The following DNMT1 variants were observed in gnomAD, a reference collection of about 807,000 sequenced individuals.
DNMT1 encodes DNA methyltransferase 1.
In DNMT1, 24 loss-of-function variants were observed where a neutral mutation model predicts 205.3. That is an observed-to-expected ratio of 0.12 (90% CI 0.08 to 0.16). The LOEUF (loss-of-function observed/expected upper bound fraction) is 0.16, where lower values mean the gene tolerates loss of function less well. DNMT1 is among the 10% of genes least tolerant of loss of function. The probability of loss-of-function intolerance (pLI) is 1.00; values close to 1 mark genes in which losing one functional copy is unlikely to be tolerated. For missense variants in DNMT1, 1,293 were observed against 2,177.7 expected (o/e 0.59, Z 8.09); for synonymous variants, 817 against 839.8 (o/e 0.97, Z 0.47).
intron 27 of DNMT1, among the ~76,000 whole-genome samples, chr19:10,147,890 G>A (rs1297029952): frequency 6.6e-6 from 1 of 151,852 alleles, no homozygotes; most frequent in Non-Finnish European, 1.5e-5. Flanking sequence ...GAAGCGGGTA[G>A]ATCACCTGAG....
rs758882865 is a variant in DNMT1, at chr19:10,142,191, G to A, written c.3146C>T (p.Ala1049Val). Reference protein sequence around the residue: ...RPENTHKSTPASYHADINLLY... With the variant: ...RPENTHKSTPVSYHADINLLY... Reference sequence around the variant, plus strand: ...CAGGTTGATGTCTGCGTGGTAGCTCGCTGGAGTGGACTTGTGGGTGTTCTC... The same window carrying A: ...CAGGTTGATGTCTGCGTGGTAGCTCACTGGAGTGGACTTGTGGGTGTTCTC... Residue 1049 changes from alanine to valine, a missense_variant, in exon 30 of 41, where the codon GCG (alanine) becomes GTG (valine). Physicochemically the swap from Ala to Val is moderately conservative, Grantham distance 64. This residue lies in a region of DNMT1 where 167 missense variants were observed against 258.1 expected (regional missense o/e 0.65). Coordinates refer to ENST00000359526, the MANE Select transcript of DNMT1 (RefSeq NM_001130823.3). 1.4e-5 allele frequency: 23 copies of A among 1,613,924 alleles called. 1 individual carries two copies. In the Middle Eastern group the frequency reaches 4.9e-4, roughly 35 times the overall value.
chr19:10,163,268 A>G (rs2038617841), intron 12 of DNMT1, 58 bp downstream of exon 12: 6 of 1,596,812 alleles, frequency 3.8e-6, no homozygotes, highest in Non-Finnish European at 5.2e-6. Context: ...CACCTGGCCT[A>G]GAACAGGCTT....
intron 19 of DNMT1, 76 bp downstream of exon 19, chr19:10,155,777 C>T: frequency 1.4e-6 from 2 of 1,468,626 alleles, no homozygotes; most frequent in South Asian, 1.2e-5. Flanking sequence ...CCACCAGAGC[C>T]CCGTCAGCCC....
At chr19:10,173,585 G>C (rs1442606876) in intron 8 of DNMT1, among the ~76,000 whole-genome samples, 1 of 151,178 alleles carries the variant, frequency 6.6e-6, no homozygotes, top group Non-Finnish European at 1.5e-5. Flanking sequence ...TCTACCTCCT[G>C]GGTTCAAGCA....
chr19:10,178,065 T>C (rs1316608559), intron 5 of DNMT1, among the ~76,000 whole-genome samples: 2 of 151,438 alleles, frequency 1.3e-5, no homozygotes, highest in East Asian at 3.9e-4. Context: ...GAGACCATCC[T>C]GGCCAACATG....
chr19:10,168,508 G>A, intron 9 of DNMT1, 144 bp from the exon 10 acceptor site: 4 of 803,374 alleles, frequency 5.0e-6, no homozygotes, highest in Non-Finnish European at 6.3e-6. Flanking sequence ...GGGCACAGTA[G>A]CTCATGCCTG....
intron 11 of DNMT1, 142 bp from the exon 12 acceptor site, chr19:10,163,502 C>A: frequency 4.8e-6 from 4 of 828,500 alleles, no homozygotes; most frequent in South Asian, 2.9e-5. Flanking sequence ...CAGGCCTGGG[C>A]AGATCTACCG....
intron 5 of DNMT1, among the ~76,000 whole-genome samples, chr19:10,177,680 C>T (rs1236685482): frequency 1.3e-5 from 2 of 151,892 alleles, no homozygotes; most frequent in Non-Finnish European, 2.9e-5. Flanking sequence ...TCTATAATAC[C>T]AAAACTTTGA....
chr19:10,150,578 C>T (rs888496020), intron 24 of DNMT1, among the ~76,000 whole-genome samples: 1 of 152,212 alleles, frequency 6.6e-6, no homozygotes, highest in African/African-American at 2.4e-5. Flanking sequence ...CCCAGGCAGC[C>T]AGCAGGTGGC....
chr19:10,162,824 C>T, intron 12 of DNMT1, 76 bp from the exon 13 acceptor site: 1 of 1,477,508 alleles, frequency 6.8e-7, no homozygotes, highest in South Asian at 1.1e-5. Context: ...CGGAAAGTGA[C>T]AAACTAATGC....
At position 10,133,894 on chromosome 19, in the gene DNMT1, T is replaced by C. The variant is rs1290074264; in HGVS notation, c.4865-193A>G. Among the ~76,000 whole-genome samples, 1 of 152,224 alleles carries C rather than the reference T, an allele frequency of 6.6e-6. No individual in the cohort carries two copies. Among genetic ancestry groups the C allele is most frequent in the Non-Finnish European group, 1.5e-5 (1 of 68,030 alleles). On this transcript the variant is annotated intron_variant, in intron 40 of 40. Coordinates refer to ENST00000359526, the MANE Select transcript of DNMT1 (RefSeq NM_001130823.3). The surrounding 1 kb of genome is among the most constrained non-coding windows in gnomAD (Gnocchi z 4.1). ...TCCTCAAACGGTCCCCAGAGGGTTC[T>C]AGACCCAGAGGCTCAAGTGAGCAGC... is the stretch of plus-strand genomic sequence containing the variant.
chr19:10,184,201 C>T (rs939880482), intron 1 of DNMT1: 1 of 152,122 alleles, frequency 6.6e-6, no homozygotes, highest in African/African-American at 2.4e-5. Context: ...AATGAGTAGC[C>T]CAGGGCCACA....
In DNMT1 at chr19:10,192,507, A is replaced by T. The variant is rs190175638; in HGVS notation, c.80+2313T>A. ...CTGGGCATGGTGGCTCACACCCGTA[A>T]TCCCAACACTTTGGGAAGCTGAGGC... On this transcript the variant is annotated intron_variant, in intron 1 of 40. Coordinates refer to ENST00000359526, the MANE Select transcript of DNMT1 (RefSeq NM_001130823.3). Among the ~76,000 whole-genome samples, 109 of 151,870 alleles carry T rather than the reference A, an allele frequency of 7.2e-4. 1 individual carries two copies. The highest frequency in any genetic ancestry group is 2.6e-3 in the African/African-American group (106 of 41,304).
rs116309217 is a variant in DNMT1, at chr19:10,156,219, T to C, written c.1399+172A>G. Reference sequence around the variant, plus strand: ...TATACTATATATATATGCTATATATTTTTTTTTAATAGAGGCAGGCTCTTG... The same window carrying C: ...TATACTATATATATATGCTATATATCTTTTTTTAATAGAGGCAGGCTCTTG... On this transcript the variant is annotated intron_variant, in intron 18 of 40. Transcript: ENST00000359526. This position sits in a 1 kb window ranked among gnomAD's most constrained non-coding sequence, Gnocchi z 4.2. Among the ~76,000 whole-genome samples the C allele has an allele frequency of 6.6e-6, 1 of 150,492 alleles. No homozygotes were observed. Among genetic ancestry groups the C allele is most frequent in the African/African-American group, 2.4e-5 (1 of 41,050 alleles).
At chr19:10,155,125 T>G in intron 19 of DNMT1, 69 bp from the exon 20 acceptor site, 1 of 1,600,170 alleles carries the variant, frequency 6.2e-7, no homozygotes, top group South Asian at 1.1e-5. Context: ...CCACAGGGCA[T>G]GGAGGAGTCT....
chr19:10,180,209 G>A lies in DNMT1; in HGVS notation c.471C>T (p.Ala157=). 2.0e-6 allele frequency: 2 copies of A among 991,194 alleles called. No individual in the cohort carries two copies. The highest frequency in any genetic ancestry group is 3.1e-6 in the Non-Finnish European group (2 of 653,040). The allele number at this position is 991,194 out of a possible 1,614,324, so 61.4% of individuals were successfully genotyped here. The part of the protein sequence containing the change: ...AKRSRDPPAS[A]SQVTGIRAEP... ...TACCTCTAATCCCAGTTACTTGGGA[G>A]GCTGAGGCAGGAGGGTCTCTTGAAC... Residue 157 remains alanine, a synonymous_variant, in exon 5 of 41, where the codon GCC becomes GCT. Coordinates refer to ENST00000359526, the MANE Select transcript of DNMT1 (RefSeq NM_001130823.3).
intron 11 of DNMT1, among the ~76,000 whole-genome samples, chr19:10,165,765 G>C (rs550242892): frequency 1.5e-4 from 23 of 152,280 alleles, no homozygotes; most frequent in Non-Finnish European, 3.2e-4. Context: ...TTCCAATAGA[G>C]GGCAGGGAGT....
chr19:10,162,337 T>G (rs1032711757), intron 13 of DNMT1, among the ~76,000 whole-genome samples: 2 of 149,694 alleles, frequency 1.3e-5, no homozygotes. Context: ...GAGTGCGATC[T>G]CGGCTCACTG....
chr19:10,166,562 TGA>T (rs1256905553), intron 11 of DNMT1, 34 bp downstream of exon 11: 1 of 1,612,610 alleles, frequency 6.2e-7, no homozygotes, highest in African/African-American at 1.3e-5. Flanking sequence ...AGCAGAAGAA[TGA>T]GGGGGAGTTC....
Sources: allele counts gnomAD v4.1 joint callset (sites outside exome capture counted in the v4.1 genomes callset), GRCh38; gene constraint gnomAD v4.1.1; regional missense constraint gnomAD v4.1.1; non-coding constraint Gnocchi (gnomAD v3.1); transcripts MANE v1.5; gene names NCBI Gene and HGNC (gene_info 2026-07-23, HGNC 2026-07-21).